NUBPL: variants seen among roughly 807,000 people sequenced by gnomAD.
The protein encoded by NUBPL is NUBP iron-sulfur cluster assembly factor, mitochondrial.
A neutral mutation model predicts 45.7 loss-of-function variants in NUBPL; 31 were observed. The observed-to-expected ratio is 0.68, with a 90% CI of 0.51 to 0.92. The LOEUF (loss-of-function observed/expected upper bound fraction) is 0.92, where lower values mean the gene tolerates loss of function less well. Ranked by LOEUF, NUBPL falls within the 40% of genes least tolerant of loss-of-function variation. The probability of loss-of-function intolerance (pLI) is 0.00; values close to 1 mark genes in which losing one functional copy is unlikely to be tolerated. For synonymous variants in NUBPL, 144 were observed against 140.9 expected (o/e 1.02, Z -0.15); for missense variants, 401 against 398.7 (o/e 1.01, Z -0.05).
intron 4 of NUBPL, among the ~76,000 whole-genome samples, chr14:31,670,855 T>G (rs1179428651): frequency 6.6e-6 from 1 of 152,204 alleles, no homozygotes; most frequent in Non-Finnish European, 1.5e-5. Context: ...ACCAGTACCA[T>G]GCTGTTTTGG....
rs1366814532 is a variant in NUBPL at position 31,779,915 on chromosome 14, G to T, written c.514-7865G>T. 2.0e-5 allele frequency among the ~76,000 whole-genome samples: 3 copies of T among 152,272 alleles called. No homozygotes were observed. In the East Asian group the frequency reaches 5.8e-4, roughly 29 times the overall value. ...GTCTTAAGGTTCTTGGGCCTGCCAG[G>T]AAGTGACAGTTTTCATTCACTCCCT... On this transcript the variant is annotated intron_variant, in intron 6 of 10. Coordinates refer to ENST00000281081, the MANE Select transcript of NUBPL (RefSeq NM_025152.3).
intron 7 of NUBPL, among the ~76,000 whole-genome samples, chr14:31,813,177 C>T (rs530226137): frequency 1.3e-4 from 20 of 151,826 alleles, no homozygotes; most frequent in South Asian, 6.3e-4. Flanking sequence ...TTAGCAGAGA[C>T]GGGGTTTCAC....
chr14:31,786,457 A>G (rs1209251202), intron 6 of NUBPL, among the ~76,000 whole-genome samples: 1 of 152,206 alleles, frequency 6.6e-6, no homozygotes, highest in Non-Finnish European at 1.5e-5. Flanking sequence ...AAAGTTAGCA[A>G]GCTCTTTTCT....
Position 31,712,446 on chromosome 14 carries a change from C to T in NUBPL, c.513+38872C>T, listed in dbSNP as rs532193536. Among the ~76,000 whole-genome samples the T allele has an allele frequency of 9.8e-5, 15 of 152,316 alleles. No individual in the cohort carries two copies. The East Asian group carries it at 2.7e-3, about 28-fold the overall frequency. On this transcript the variant is annotated intron_variant, in intron 6 of 10. Coordinates refer to ENST00000281081, the MANE Select transcript of NUBPL (RefSeq NM_025152.3). ...GCGCCCAGTGCGGGGCCTGTGGAGC[C>T]GTGCCCACCCAGAACCTGTGCCAGC...
intron 3 of NUBPL, among the ~76,000 whole-genome samples, chr14:31,583,927 T>C (rs1302539782): frequency 1.3e-5 from 2 of 152,160 alleles, no homozygotes; most frequent in African/African-American, 4.8e-5. Flanking sequence ...AGATATATTT[T>C]CCCAATGCAT....
At chr14:31,645,088 T>C (rs1365223992) in intron 4 of NUBPL, among the ~76,000 whole-genome samples, 1 of 148,152 alleles carries the variant, frequency 6.7e-6, no homozygotes, top group Non-Finnish European at 1.5e-5. Flanking sequence ...TTTTTTGAGA[T>C]GGAGTCTCGC....
At chr14:31,848,709 C>T (rs1432278221) in intron 9 of NUBPL, among the ~76,000 whole-genome samples, 1 of 152,186 alleles carries the variant, frequency 6.6e-6, no homozygotes, top group African/African-American at 2.4e-5. Context: ...ACCATTCTTA[C>T]TACGCACCTA....
chr14:31,737,907 A>G (rs868164374), intron 6 of NUBPL, among the ~76,000 whole-genome samples: 2 of 152,014 alleles, frequency 1.3e-5, no homozygotes, highest in South Asian at 4.1e-4. Context: ...CTATTTCTGA[A>G]TTTTTTTGTT....
intron 3 of NUBPL, among the ~76,000 whole-genome samples, chr14:31,570,806 A>T (rs956668818): frequency 6.6e-6 from 1 of 152,234 alleles, no homozygotes; most frequent in African/African-American, 2.4e-5. Flanking sequence ...AGATACAAAA[A>T]TGAATGAGAC....
intron 4 of NUBPL, among the ~76,000 whole-genome samples, chr14:31,618,316 G>C (rs572109610): frequency 6.4e-4 from 98 of 152,152 alleles, no homozygotes; most frequent in Middle Eastern, 3.4e-3. Context: ...TGTTCTGCTG[G>C]CTTTTGAATT....
At chr14:31,804,005 C>T (rs963456987) in intron 7 of NUBPL, among the ~76,000 whole-genome samples, 19 of 152,182 alleles carry the variant, frequency 1.2e-4, no homozygotes, top group Middle Eastern at 3.4e-3. Context: ...GGGATTCTCC[C>T]ACCTTAGCCT....
At position 31,753,607 on chromosome 14, in the gene NUBPL, G is replaced by T. The variant is rs74043612; in HGVS notation, c.514-34173G>T. ...TCCCAGGTCAGGATGAAGTCTAGAAGTGGCACTATTCCCAAAAAGGTGCTG... is the reference window on the plus strand; with the variant it reads ...TCCCAGGTCAGGATGAAGTCTAGAATTGGCACTATTCCCAAAAAGGTGCTG... On this transcript the variant is annotated intron_variant, in intron 6 of 10. Transcript: ENST00000281081. 2.3e-3 allele frequency among the ~76,000 whole-genome samples: 353 copies of T among 152,300 alleles called. 1 individual carries two copies. The highest frequency in any genetic ancestry group is 7.8e-3 in the African/African-American group (326 of 41,552).
intron 6 of NUBPL, among the ~76,000 whole-genome samples, chr14:31,736,461 C>G (rs1314802327): frequency 6.6e-6 from 1 of 152,154 alleles, no homozygotes; most frequent in Admixed American, 6.5e-5. Context: ...CCTTGAACTT[C>G]ATGTAGATAA....
chr14:31,831,796 C>T (rs973099198), intron 8 of NUBPL, among the ~76,000 whole-genome samples: 4 of 152,096 alleles, frequency 2.6e-5, no homozygotes, highest in African/African-American at 9.7e-5. Context: ...GTACTTTCTT[C>T]TTAAGATTAT....
intron 4 of NUBPL, among the ~76,000 whole-genome samples, chr14:31,664,539 A>G (rs1488775093): frequency 6.6e-6 from 1 of 152,126 alleles, no homozygotes; most frequent in East Asian, 1.9e-4. Context: ...GCTTACGTTT[A>G]TTGATTTGTG....
intron 6 of NUBPL, among the ~76,000 whole-genome samples, chr14:31,756,179 G>C (rs1595587227): frequency 6.6e-6 from 1 of 152,144 alleles, no homozygotes; most frequent in East Asian, 1.9e-4. Context: ...ACTTGGTGAT[G>C]CGGGCTCTTT....
At chr14:31,647,851 C>G (rs1437415527) in intron 4 of NUBPL, among the ~76,000 whole-genome samples, 1 of 152,168 alleles carries the variant, frequency 6.6e-6, no homozygotes, top group Non-Finnish European at 1.5e-5. Context: ...TTATTTGTAC[C>G]CATTGAAAAT....
chr14:31,719,099 T>C (rs559060481), intron 6 of NUBPL, among the ~76,000 whole-genome samples: 2 of 152,106 alleles, frequency 1.3e-5, no homozygotes, highest in Non-Finnish European at 2.9e-5. Flanking sequence ...TTGGGCAAAA[T>C]GATATCCAAA....
intron 4 of NUBPL, among the ~76,000 whole-genome samples, chr14:31,605,700 G>GCTTCTTT (rs1287200545): frequency 6.6e-6 from 1 of 152,096 alleles, no homozygotes; most frequent in South Asian, 2.1e-4. Context: ...GAGATCTTCT[G>GCTTCTTT]CTTCTTTCTT....
Sources: gnomAD v4.1 joint callset for allele counts (sites outside exome capture counted in the v4.1 genomes callset) on GRCh38, gnomAD v4.1.1 for gene constraint, MANE v1.5 for transcripts, NCBI Gene and HGNC (gene_info 2026-07-23, HGNC 2026-07-21) for gene names.